Variants in DPYD observed in about 807,000 individuals in gnomAD.
The protein encoded by DPYD is dihydropyrimidine dehydrogenase.
A neutral mutation model predicts 116.2 loss-of-function variants in DPYD; 109 were observed. The observed-to-expected ratio is 0.94, with a 90% CI of 0.80 to 1.10. The LOEUF is 1.10. DPYD is among the 50% of genes least tolerant of loss of function. DPYD has a pLI of 0.00. For synonymous variants in DPYD, 440 were observed against 432.0 expected (o/e 1.02, Z -0.23); for missense variants, 1,302 against 1,254.5 (o/e 1.04, Z -0.57).
chr1:97,210,219 T>TTTA (rs1163693158), intron 19 of DPYD, among the ~76,000 whole-genome samples: 3 of 152,168 alleles, frequency 2.0e-5, no homozygotes, highest in Non-Finnish European at 4.4e-5. Context: ...TGAGCATGTG[T>TTTA]TTAAAGCTAA....
chr1:97,507,587 G>A (rs1647438063), intron 13 of DPYD, among the ~76,000 whole-genome samples: 1 of 151,890 alleles, frequency 6.6e-6, no homozygotes, highest in Admixed American at 6.6e-5. Context: ...AAAATAAATT[G>A]TGATGTTTTG....
intron 1 of DPYD, among the ~76,000 whole-genome samples, chr1:97,900,462 A>G (rs1673311244): frequency 6.6e-6 from 1 of 151,900 alleles, no homozygotes; most frequent in African/African-American, 2.4e-5. Context: ...GGGTGCATGG[A>G]AACTTCAAAA....
At position 97,750,822 on chromosome 1, in the gene DPYD, A is replaced by C. The variant is rs890265966; in HGVS notation, c.234-10343T>G. ...TATTTGTAGGATACAAAATTTGTCT[A>C]TATGGAGGGCCAACTGAGGGACTTG... On this transcript the variant is annotated intron_variant, in intron 3 of 22. Coordinates refer to ENST00000370192, the MANE Select transcript of DPYD (RefSeq NM_000110.4). Among the ~76,000 whole-genome samples the C allele has an allele frequency of 4.6e-5, 7 of 152,168 alleles. No individual in the cohort carries two copies. In the South Asian group the frequency reaches 1.5e-3, roughly 32 times the overall value.
rs147466495 is a variant in DPYD at position 97,739,822 on chromosome 1, T to C, written c.321+570A>G. Among the ~76,000 whole-genome samples, 18 of 152,154 alleles carry C rather than the reference T, an allele frequency of 1.2e-4. No homozygotes were observed. In the East Asian group the frequency reaches 1.5e-3, roughly 13 times the overall value. ...AATGAAAACTGGGCTTAGACTTACA[T>C]TGATTTTTAAAAAAAAATAAAGATC... On this transcript the variant is annotated intron_variant, in intron 4 of 22. Transcript: ENST00000370192.
chr1:97,363,136 G>A (rs1670835193), intron 16 of DPYD, among the ~76,000 whole-genome samples: 1 of 152,094 alleles, frequency 6.6e-6, no homozygotes, highest in Non-Finnish European at 1.5e-5. Context: ...TCAAAAGGTG[G>A]GCAAAGGATA....
At position 97,358,576 on chromosome 1, in the gene DPYD, C is replaced by G. The variant is rs1305569474; in HGVS notation, c.2058+14985G>C. Among the ~76,000 whole-genome samples, 17 of 152,224 alleles carry G rather than the reference C, an allele frequency of 1.1e-4. No individual in the cohort carries two copies. In the East Asian group the frequency reaches 3.3e-3, roughly 30 times the overall value. ...GGGGCCGACAGACACCACATATAGG[C>G]AGCTGCCCCTCTGGGACGAAGCTTC... On this transcript the variant is annotated intron_variant, in intron 16 of 22. Coordinates refer to ENST00000370192, the MANE Select transcript of DPYD (RefSeq NM_000110.4).
At chr1:97,202,717 G>A (rs1164683589) in intron 19 of DPYD, among the ~76,000 whole-genome samples, 2 of 152,216 alleles carry the variant, frequency 1.3e-5, no homozygotes, top group East Asian at 1.9e-4. Flanking sequence ...CCCTGCAGGC[G>A]AGACTGCCCT....
At chr1:97,838,769 C>T (rs1481973754) in intron 2 of DPYD, among the ~76,000 whole-genome samples, 3 of 152,000 alleles carry the variant, frequency 2.0e-5, no homozygotes, top group Non-Finnish European at 2.9e-5. Context: ...GGCGTGAACC[C>T]GGGAGGCGGA....
Position 97,315,869 on chromosome 1 carries a change from A to T in DPYD, c.2059-9572T>A, listed in dbSNP as rs190729699. Among the ~76,000 whole-genome samples the T allele has an allele frequency of 6.2e-4, 94 of 152,006 alleles. 1 individual carries two copies. The East Asian group carries it at 0.014, about 22-fold the overall frequency. ...GGTCCAATACCAGGAAGCAGGGCTA[A>T]TTTTTTTCCTAGAAAAAGACTGCTT... On this transcript the variant is annotated intron_variant, in intron 16 of 22. Transcript: ENST00000370192.
chr1:97,144,824 T>C (rs1012575099), intron 20 of DPYD, among the ~76,000 whole-genome samples: 28 of 152,322 alleles, frequency 1.8e-4, no homozygotes, highest in African/African-American at 6.7e-4. Context: ...TATTCTTAGC[T>C]GATTTATTTT....
At position 97,691,000 on chromosome 1, in the gene DPYD, T is replaced by C. The variant is rs550567277; in HGVS notation, c.762+717A>G. Among the ~76,000 whole-genome samples the C allele has an allele frequency of 2.6e-5, 4 of 152,294 alleles. No individual in the cohort carries two copies. In the South Asian group the frequency reaches 8.3e-4, roughly 32 times the overall value. On this transcript the variant is annotated intron_variant, in intron 7 of 22. Transcript: ENST00000370192. ...ATCTTCTGCATATACTTACAGCATG[T>C]ATTATGTAAATCACAGTACATTATT...
chr1:97,646,928 G>T (rs530564319), intron 8 of DPYD, among the ~76,000 whole-genome samples: 52 of 152,128 alleles, frequency 3.4e-4, no homozygotes, highest in African/African-American at 1.3e-3. Context: ...GGTTGCTGTT[G>T]TTTCTTCCCC....
intron 14 of DPYD, among the ~76,000 whole-genome samples, chr1:97,413,564 A>G (rs1000272121): frequency 1.3e-5 from 2 of 152,070 alleles, no homozygotes; most frequent in African/African-American, 4.8e-5. Context: ...CCCTGGCTCA[A>G]GGGATCCTCC....
intron 16 of DPYD, among the ~76,000 whole-genome samples, chr1:97,321,989 A>G (rs1668307344): frequency 1.3e-5 from 1 of 78,628 alleles, no homozygotes; most frequent in Non-Finnish European, 2.6e-5. Flanking sequence ...CAAGAACAAA[A>G]AAACAAACAC....
intron 20 of DPYD, among the ~76,000 whole-genome samples, chr1:97,103,428 G>C (rs143003848): frequency 2.0e-5 from 3 of 152,172 alleles, no homozygotes; most frequent in Non-Finnish European, 4.4e-5. Context: ...ACAATAAAAA[G>C]ACAGAGACAG....
At chr1:97,739,294 A>G (rs1159366331) in intron 4 of DPYD, among the ~76,000 whole-genome samples, 1 of 152,130 alleles carries the variant, frequency 6.6e-6, no homozygotes, top group Non-Finnish European at 1.5e-5. Flanking sequence ...ACATAAAAAT[A>G]TTATTCAGTT....
At chr1:97,768,500 T>C (rs1190647018) in intron 3 of DPYD, among the ~76,000 whole-genome samples, 1 of 152,196 alleles carries the variant, frequency 6.6e-6, no homozygotes, top group Non-Finnish European at 1.5e-5. Context: ...TTTATTGTCA[T>C]TTTAGAAGAT....
intron 20 of DPYD, among the ~76,000 whole-genome samples, chr1:97,148,401 T>G (rs901092891): frequency 1.3e-5 from 2 of 152,166 alleles, no homozygotes; most frequent in Admixed American, 1.3e-4. Context: ...AGATGTCTTG[T>G]GCAGCAACCA....
At chr1:97,782,615 G>T (rs78747959) in intron 3 of DPYD, among the ~76,000 whole-genome samples, 1 of 152,052 alleles carries the variant, frequency 6.6e-6, no homozygotes, top group Admixed American at 6.6e-5. Context: ...GATTTAAAAC[G>T]TTCAGTAAAA....
Sources: allele counts gnomAD v4.1 joint callset (sites outside exome capture counted in the v4.1 genomes callset), GRCh38; gene constraint gnomAD v4.1.1; transcripts MANE v1.5; gene names NCBI Gene and HGNC (gene_info 2026-07-23, HGNC 2026-07-21).